The following ARL15 variants were observed in gnomAD, a reference collection of about 807,000 sequenced individuals.
The protein encoded by ARL15 is ADP-ribosylation factor-like protein 15.
A neutral mutation model predicts 25.2 loss-of-function variants in ARL15; 19 were observed. That is an observed-to-expected ratio of 0.75 (90% CI 0.53 to 1.10). ARL15 has a LOEUF of 1.10. Ranked by LOEUF, ARL15 falls within the 50% of genes least tolerant of loss-of-function variation. ARL15 has a pLI of 0.00. For synonymous variants in ARL15, 94 were observed against 86.8 expected (o/e 1.08, Z -0.46); for missense variants, 220 against 246.0 (o/e 0.89, Z 0.71).
chr5:53,952,679 T>C (rs571184737), intron 4 of ARL15, among the ~76,000 whole-genome samples: 1 of 152,228 alleles, frequency 6.6e-6, no homozygotes, highest in Non-Finnish European at 1.5e-5. Flanking sequence ...AGAAATGAAA[T>C]AATTTCTAAA....
chr5:54,242,478 C>A (rs1168349184), intron 1 of ARL15, among the ~76,000 whole-genome samples: 1 of 152,174 alleles, frequency 6.6e-6, no homozygotes, highest in Non-Finnish European at 1.5e-5. Flanking sequence ...ATACACCCTC[C>A]TGGTCACAGG....
intron 4 of ARL15, among the ~76,000 whole-genome samples, chr5:53,995,859 T>G (rs1489626164): frequency 6.6e-6 from 1 of 152,140 alleles, no homozygotes; most frequent in Non-Finnish European, 1.5e-5. Context: ...CTTTCTCCAG[T>G]TGGAAACCAC....
chr5:54,175,009 G>A (rs1429365305), intron 1 of ARL15, among the ~76,000 whole-genome samples: 5 of 152,150 alleles, frequency 3.3e-5, no homozygotes, highest in Non-Finnish European at 7.4e-5. Flanking sequence ...AATTCCTCTG[G>A]ACTATCTCCT....
chr5:53,951,985 T>C (rs541662799), intron 4 of ARL15, among the ~76,000 whole-genome samples: 39 of 150,466 alleles, frequency 2.6e-4, no homozygotes, highest in Non-Finnish European at 4.0e-4. Flanking sequence ...AAGAGGAGAG[T>C]AGCTGGGCGT....
intron 1 of ARL15, among the ~76,000 whole-genome samples, chr5:54,207,030 G>A (rs990938288): frequency 6.6e-6 from 1 of 152,242 alleles, no homozygotes; most frequent in Non-Finnish European, 1.5e-5. Context: ...CCATGCGTGA[G>A]ATGCTGTCAT....
At chr5:54,273,779 C>T (rs1026709932) in intron 1 of ARL15, among the ~76,000 whole-genome samples, 5 of 152,152 alleles carry the variant, frequency 3.3e-5, no homozygotes, top group African/African-American at 1.2e-4. Flanking sequence ...TTAATAAGTG[C>T]TCGGTAAATG....
intron 4 of ARL15, among the ~76,000 whole-genome samples, chr5:53,947,167 G>GGGGGGTGTGT (rs752822788): frequency 4.0e-5 from 5 of 123,700 alleles, no homozygotes; most frequent in South Asian, 6.2e-4. Context: ...AATAAATAAG[G>GGGGGGTGTGT]GTGTGTGTGT....
At chr5:54,200,451 A>G (rs1755689670) in intron 1 of ARL15, among the ~76,000 whole-genome samples, 2 of 152,126 alleles carry the variant, frequency 1.3e-5, no homozygotes, top group Non-Finnish European at 2.9e-5. Context: ...AACTTTGAGA[A>G]GCAGCCAAGA....
chr5:54,297,773 C>T (rs1488729124), intron 1 of ARL15, among the ~76,000 whole-genome samples: 1 of 152,094 alleles, frequency 6.6e-6, no homozygotes, highest in Non-Finnish European at 1.5e-5. Flanking sequence ...ACCACCAGGC[C>T]CTTCCATCTT....
intron 1 of ARL15, among the ~76,000 whole-genome samples, chr5:54,178,918 T>C (rs534060560): frequency 6.6e-6 from 1 of 152,244 alleles, no homozygotes; most frequent in African/African-American, 2.4e-5. Flanking sequence ...GTAGGAGACA[T>C]TGGGAGGGGC....
chr5:54,221,934 GA>G (rs1756390378), intron 1 of ARL15, among the ~76,000 whole-genome samples: 1 of 151,694 alleles, frequency 6.6e-6, no homozygotes, highest in Non-Finnish European at 1.5e-5. Flanking sequence ...TTTTCGTTTG[GA>G]ACATTTTTGA....
intron 1 of ARL15, among the ~76,000 whole-genome samples, chr5:54,271,518 C>G (rs545401874): frequency 2.6e-5 from 4 of 152,172 alleles, no homozygotes; most frequent in African/African-American, 4.8e-5. Context: ...GGAAAAATAT[C>G]TATACATGTT....
At chr5:54,104,963 C>A (rs1294634581) in intron 4 of ARL15, among the ~76,000 whole-genome samples, 1 of 151,836 alleles carries the variant, frequency 6.6e-6, no homozygotes, top group Non-Finnish European at 1.5e-5. Context: ...TGGATAAAAT[C>A]CAACAGATTA....
chr5:53,997,642 T>G (rs981937937), intron 4 of ARL15, among the ~76,000 whole-genome samples: 3 of 152,120 alleles, frequency 2.0e-5, no homozygotes, highest in Non-Finnish European at 4.4e-5. Flanking sequence ...GATTCTTCAG[T>G]GGGCATCCAG....
At chr5:54,046,867 G>A (rs898032928) in intron 4 of ARL15, among the ~76,000 whole-genome samples, 6 of 152,212 alleles carry the variant, frequency 3.9e-5, no homozygotes, top group African/African-American at 1.2e-4. Flanking sequence ...GGGAGTGGAT[G>A]GTTAGCATGG....
At chr5:54,231,094 G>T (rs1424855692) in intron 1 of ARL15, among the ~76,000 whole-genome samples, 1 of 151,672 alleles carries the variant, frequency 6.6e-6, no homozygotes, top group Non-Finnish European at 1.5e-5. Flanking sequence ...TAAGCCAGTT[G>T]CTTGGGGAAT....
chr5:54,129,962 G>A (rs1753381864), intron 3 of ARL15, among the ~76,000 whole-genome samples: 2 of 152,222 alleles, frequency 1.3e-5, no homozygotes, highest in South Asian at 2.1e-4. Flanking sequence ...ATATTGGCTG[G>A]ATGTGGTGGC....
chr5:54,111,790 C>T (rs1336575846), intron 4 of ARL15, among the ~76,000 whole-genome samples: 3 of 152,008 alleles, frequency 2.0e-5, no homozygotes, highest in African/African-American at 4.8e-5. Context: ...AATGCATTCT[C>T]AGCAAACGAC....
intron 1 of ARL15, among the ~76,000 whole-genome samples, chr5:54,303,687 A>C (rs1758673490): frequency 7.1e-6 from 1 of 140,966 alleles, no homozygotes; most frequent in Non-Finnish European, 1.5e-5. Context: ...AGAAGAGGAG[A>C]GGAAAAAAAG....
Sources: gnomAD v4.1 joint callset for allele counts (sites outside exome capture counted in the v4.1 genomes callset) on GRCh38, gnomAD v4.1.1 for gene constraint, MANE v1.5 for transcripts, NCBI Gene and HGNC (gene_info 2026-07-23, HGNC 2026-07-21) for gene names.